FSTL4: variants seen among roughly 807,000 people sequenced by gnomAD.
FSTL4 encodes the protein follistatin like 4.
Under a neutral mutation model 78.2 loss-of-function variants are expected in FSTL4, and 28 were observed. The observed-to-expected ratio is 0.36, with a 90% CI of 0.27 to 0.49. The LOEUF (loss-of-function observed/expected upper bound fraction) is 0.49. Ranked by LOEUF, FSTL4 falls within the 20% of genes least tolerant of loss-of-function variation. The pLI is 0.98. For synonymous variants in FSTL4, 422 were observed against 440.5 expected (o/e 0.96, Z 0.53); for missense variants, 922 against 1,084.9 (o/e 0.85, Z 2.11).
the FSTL4 span, among the ~76,000 whole-genome samples, chr5:133,635,061 C>T: frequency 6.9e-6 from 1 of 144,280 alleles, no homozygotes; most frequent in Non-Finnish European, 1.5e-5. Flanking sequence ...TGATCTCTTG[C>T]CTATTTTATT....
At chr5:133,637,835 A>G in the FSTL4 span, among the ~76,000 whole-genome samples, 1 of 151,812 alleles carries the variant, frequency 6.6e-6, no homozygotes, top group South Asian at 2.1e-4. Flanking sequence ...TCACCTGAGC[A>G]CTTCCACTTG....
intron 3 of FSTL4, among the ~76,000 whole-genome samples, chr5:133,503,733 T>C (rs1489471359): frequency 1.3e-5 from 2 of 152,212 alleles, no homozygotes; most frequent in East Asian, 1.9e-4. Context: ...CAGCCCAACA[T>C]AGCCAACAGC....
intron 3 of FSTL4, among the ~76,000 whole-genome samples, chr5:133,486,998 A>T (rs932525302): frequency 2.6e-5 from 4 of 152,164 alleles, no homozygotes; most frequent in Non-Finnish European, 5.9e-5. Context: ...TGAGAACTGC[A>T]CACCCTTACA....
chr5:133,245,297 C>T (rs1752006619), intron 7 of FSTL4, among the ~76,000 whole-genome samples: 1 of 152,140 alleles, frequency 6.6e-6, no homozygotes, highest in Non-Finnish European at 1.5e-5. Flanking sequence ...GCTCCCCTCA[C>T]TTCTGGACCC....
chr5:133,623,191 T>C, the FSTL4 span, among the ~76,000 whole-genome samples: 2 of 151,990 alleles, frequency 1.3e-5, no homozygotes, highest in Non-Finnish European at 2.9e-5. Flanking sequence ...AAATTGCAAG[T>C]GTCCCTGAAT....
the FSTL4 span, among the ~76,000 whole-genome samples, chr5:133,681,067 T>C: frequency 6.6e-6 from 1 of 152,214 alleles, no homozygotes; most frequent in Admixed American, 6.5e-5. Context: ...GAGGTGTGCA[T>C]GGCACAGGGC....
chr5:133,293,073 C>CGTCACA (rs1366750376), intron 6 of FSTL4, among the ~76,000 whole-genome samples: 4 of 152,210 alleles, frequency 2.6e-5, no homozygotes, highest in Non-Finnish European at 4.4e-5. Flanking sequence ...TGCGGAGGAC[C>CGTCACA]GTCACAGCCA....
the FSTL4 span, among the ~76,000 whole-genome samples, chr5:133,632,251 T>C: frequency 1.3e-5 from 2 of 152,206 alleles, no homozygotes; most frequent in African/African-American, 4.8e-5. Context: ...CCCTTTACCC[T>C]CCCCTGTTTA....
intron 6 of FSTL4, among the ~76,000 whole-genome samples, chr5:133,249,932 C>T (rs2126823201): frequency 6.6e-6 from 1 of 152,342 alleles, no homozygotes; most frequent in South Asian, 2.1e-4. Context: ...GCGCCCTGCT[C>T]ACAGCTCCCC....
chr5:133,741,250 T>C, the FSTL4 span, among the ~76,000 whole-genome samples: 4,374 of 152,286 alleles, frequency 0.029, 206 homozygotes, highest in African/African-American at 0.099. Context: ...TGTGATTTAC[T>C]GAGCAAATAT....
the FSTL4 span, among the ~76,000 whole-genome samples, chr5:133,636,420 A>AT: frequency 0.073 from 11,160 of 152,200 alleles, 550 homozygotes; most frequent in Admixed American, 0.16. Flanking sequence ...GGTCTTTTAC[A>AT]TGTCTAAACC....
intron 3 of FSTL4, among the ~76,000 whole-genome samples, chr5:133,487,988 C>T (rs1227742723): frequency 6.6e-6 from 1 of 152,190 alleles, no homozygotes; most frequent in African/African-American, 2.4e-5. Context: ...ACCAGTCAAA[C>T]ACCAGCCTTT....
At chr5:133,333,623 G>A (rs1207904307) in intron 4 of FSTL4, among the ~76,000 whole-genome samples, 1 of 152,220 alleles carries the variant, frequency 6.6e-6, no homozygotes, top group Non-Finnish European at 1.5e-5. Flanking sequence ...GCTGAGAAAT[G>A]TAGGGAACAC....
chr5:133,224,204 AG>A lies in FSTL4; in HGVS notation c.1324del (p.Leu442CysfsTer43). 6.2e-7 allele frequency: 1 copy of A among 1,612,892 alleles called. No homozygotes were observed. Among genetic ancestry groups the A allele is most frequent in the East Asian group, 2.2e-5 (1 of 44,872 alleles). ...DSARKTLANI[L>X]WREEGLSVGN... is the part of the protein sequence containing the mutation. Reference sequence around the variant, plus strand: ...AAGCTTGGTACCTTCCTCTCGCCACAGGATGTTTGCAACTGCAGCAGCAGAG... The same window carrying A: ...AAGCTTGGTACCTTCCTCTCGCCACAGATGTTTGCAACTGCAGCAGCAGAG... On this transcript the variant is annotated frameshift_variant, in exon 11 of 16. Coordinates refer to ENST00000265342, the MANE Select transcript of FSTL4 (RefSeq NM_015082.2). LOFTEE classifies it high-confidence loss of function.
At chr5:133,385,249 TG>T (rs1456275415) in intron 4 of FSTL4, among the ~76,000 whole-genome samples, 1 of 152,230 alleles carries the variant, frequency 6.6e-6, no homozygotes, top group Non-Finnish European at 1.5e-5. Context: ...AAGGTATGAA[TG>T]GCCCAGATGC....
chr5:133,224,245 G>C (rs969414391), intron 10 of FSTL4, 29 bp from the exon 11 acceptor site: 25 of 1,588,906 alleles, frequency 1.6e-5, no homozygotes, highest in Non-Finnish European at 2.1e-5. Flanking sequence ...AGGAAAGCAG[G>C]AGTGTGATGG....
the FSTL4 span, among the ~76,000 whole-genome samples, chr5:133,838,922 G>T: frequency 2.0e-5 from 3 of 152,200 alleles, no homozygotes; most frequent in Non-Finnish European, 4.4e-5. Context: ...CACAGCATGG[G>T]CGAGCTAGTG....
chr5:133,612,480 C>T lies in FSTL4; in HGVS notation c.-166G>A, dbSNP rs1761120336. 1 of 151,788 alleles carries T rather than the reference C, an allele frequency of 6.6e-6. No individual in the cohort carries two copies. The highest frequency in any genetic ancestry group is 1.5e-5 in the Non-Finnish European group (1 of 67,966). 9.4% of individuals were successfully genotyped at this position (151,788 alleles called of 1,614,324 possible). ...GGGCTCGCTGGAGGCTGTTGAGGCTCCAGCTCCCTGAGCCGCCGCTGCCCG... is the reference window on the plus strand; with the variant it reads ...GGGCTCGCTGGAGGCTGTTGAGGCTTCAGCTCCCTGAGCCGCCGCTGCCCG... On this transcript the variant is annotated 5_prime_UTR_variant, in exon 1 of 16. Coordinates refer to ENST00000265342, the MANE Select transcript of FSTL4 (RefSeq NM_015082.2). This position sits in a 1 kb window ranked among gnomAD's most constrained non-coding sequence, Gnocchi z 6.2.
At chr5:133,517,422 CAAAAAAAAAAAAAAAAA>C (rs34374583) in intron 3 of FSTL4, among the ~76,000 whole-genome samples, 2 of 10,604 alleles carry the variant, frequency 1.9e-4, no homozygotes, top group African/African-American at 1.5e-3. Flanking sequence ...GACTCCATCT[CAAAAAAAAAAAAAAAAA>C]AAAAAAAAAT....
Sources: allele counts gnomAD v4.1 joint callset (sites outside exome capture counted in the v4.1 genomes callset), GRCh38; gene constraint gnomAD v4.1.1; non-coding constraint Gnocchi (gnomAD v3.1); transcripts MANE v1.5; gene names NCBI Gene and HGNC (gene_info 2026-07-23, HGNC 2026-07-21).